RALGAPA1: variants seen among roughly 807,000 people sequenced by gnomAD.
RALGAPA1 encodes the protein ral GTPase-activating protein subunit alpha-1.
In RALGAPA1, 52 loss-of-function variants were observed where a neutral mutation model predicts 269.6. The observed-to-expected ratio is 0.19, with a 90% confidence interval of 0.15 to 0.24. RALGAPA1 has a LOEUF of 0.24. RALGAPA1 is among the 10% of genes least tolerant of loss of function. The pLI is 1.00. For missense variants in RALGAPA1, 1,917 were observed against 3,013.9 expected, an observed-to-expected ratio of 0.64 and a Z score of 8.52; for synonymous variants, 817 against 1,008.3, an observed-to-expected ratio of 0.81 and a Z score of 3.60.
intron 6 of RALGAPA1, among the ~76,000 whole-genome samples, chr14:35,758,620 C>A (rs1029006171): frequency 6.6e-6 from 1 of 152,100 alleles, no homozygotes; most frequent in Non-Finnish European, 1.5e-5. Flanking sequence ...CATCTGCAGT[C>A]CCAGCTACTT....
chr14:35,600,776 T>C (rs1277434085), intron 36 of RALGAPA1, among the ~76,000 whole-genome samples: 1 of 152,252 alleles, frequency 6.6e-6, no homozygotes, highest in African/African-American at 2.4e-5. Flanking sequence ...AGCATTTCTA[T>C]CAAGGTTGTT....
chr14:35,677,877 A>G (rs759788265), intron 22 of RALGAPA1, 73 bp downstream of exon 22: 24 of 1,347,604 alleles, frequency 1.8e-5, no homozygotes, highest in Non-Finnish European at 2.5e-5. Context: ...CAAATGTAAG[A>G]TGCCTTATTT....
chr14:35,651,881 CAA>C lies in RALGAPA1; in HGVS notation c.5608-10_5608-9del, dbSNP rs35892589. 113 of 1,575,536 alleles carry C rather than the reference CAA, an allele frequency of 7.2e-5. No individual in the cohort carries two copies. The highest frequency in any genetic ancestry group is 3.4e-4 in the Admixed American group (18 of 52,562). ...GATGGTAGCTATTAGGATCTGTAAG[CAA>C]AAAAAAATTTTTTTAAAAGCTCTAT... On this transcript the variant is annotated splice_polypyrimidine_tract_variant and intron_variant, in intron 30 of 41. Coordinates refer to ENST00000680220, the MANE Select transcript of RALGAPA1 (RefSeq NM_001346249.2).
chr14:35,798,078 G>C (rs763902421), intron 1 of RALGAPA1, among the ~76,000 whole-genome samples: 57 of 151,522 alleles, frequency 3.8e-4, no homozygotes, highest in Non-Finnish European at 7.5e-4. Flanking sequence ...TTGCCTTGTT[G>C]CCTAGGATGG....
rs757870056 is a variant in RALGAPA1, at chr14:35,627,914, T to C, written c.6033A>G (p.Ala2011=). 1 of 1,549,590 alleles carries C rather than the reference T, an allele frequency of 6.5e-7. No individual in the cohort carries two copies. Among genetic ancestry groups the C allele is most frequent in the Non-Finnish European group, 8.7e-7 (1 of 1,150,868 alleles). ...TQMQHGLISI[A]ARTVITHLVN... is the part of the protein sequence containing the mutation. ...CCAGATGTGTAATAACAGTGCGGGC[T>C]GCTATAGAGATTAATCCATGCTGCA... Residue 2011 remains alanine (A), a synonymous_variant, in exon 34 of 42, where the codon GCA becomes GCG. Transcript: ENST00000680220.
intron 16 of RALGAPA1, among the ~76,000 whole-genome samples, chr14:35,710,385 A>G (rs2068208755): frequency 1.3e-5 from 2 of 152,092 alleles, no homozygotes; most frequent in South Asian, 4.1e-4. Context: ...TCTCCCAAGT[A>G]GCTGGGACAA....
chr14:35,668,144 G>A (rs2064102071), intron 26 of RALGAPA1, among the ~76,000 whole-genome samples: 1 of 152,118 alleles, frequency 6.6e-6, no homozygotes. Flanking sequence ...AGGCCCGGAA[G>A]CAGGGAAAGG....
At chr14:35,708,152 C>T (rs1022914650) in intron 16 of RALGAPA1, among the ~76,000 whole-genome samples, 4 of 152,024 alleles carry the variant, frequency 2.6e-5, no homozygotes, top group African/African-American at 7.2e-5. Context: ...CAAACTATGA[C>T]ATTATTGAAA....
chr14:35,699,267 T>C (rs2067145681), intron 17 of RALGAPA1, among the ~76,000 whole-genome samples: 1 of 152,148 alleles, frequency 6.6e-6, no homozygotes, highest in East Asian at 1.9e-4. Flanking sequence ...TAAACAAAAC[T>C]GATCTATGGT....
intron 39 of RALGAPA1, among the ~76,000 whole-genome samples, chr14:35,562,317 C>T (rs374137888): frequency 1.1e-4 from 17 of 152,250 alleles, no homozygotes; most frequent in African/African-American, 3.9e-4. Flanking sequence ...AAGTGTGAGC[C>T]TTCAGGGCTC....
chr14:35,569,053 A>G (rs1289532298), intron 39 of RALGAPA1, among the ~76,000 whole-genome samples: 1 of 152,194 alleles, frequency 6.6e-6, no homozygotes, highest in Non-Finnish European at 1.5e-5. Flanking sequence ...TACTACAGAA[A>G]TGTCATTAAG....
chr14:35,629,003 G>A (rs1863901175), intron 33 of RALGAPA1, among the ~76,000 whole-genome samples: 2 of 152,048 alleles, frequency 1.3e-5, no homozygotes, highest in Admixed American at 6.6e-5. Flanking sequence ...GGAGGGGAGG[G>A]GGAGAAGGAA....
At chr14:35,618,980 CA>C (rs2060432838) in intron 35 of RALGAPA1, among the ~76,000 whole-genome samples, 1 of 147,354 alleles carries the variant, frequency 6.8e-6, no homozygotes, top group South Asian at 2.1e-4. Flanking sequence ...AATCAAATAC[CA>C]ATGGGATTTT....
chr14:35,583,284 G>A (rs2058069844), intron 37 of RALGAPA1, among the ~76,000 whole-genome samples: 1 of 152,082 alleles, frequency 6.6e-6, no homozygotes, highest in African/African-American at 2.4e-5. Flanking sequence ...AAGAAAAAAT[G>A]CTAGAGTTAA....
rs1371427323 is a variant in RALGAPA1 at position 35,673,029 on chromosome 14, T to C, written c.4918-7A>G. ...TATCAGTCAACATGGTTGCCTAAAA[T>C]TAAAAGATCAGTTTTAATGTTCAAA... On this transcript the variant is annotated splice_polypyrimidine_tract_variant and splice_region_variant and intron_variant, in intron 24 of 41. Coordinates refer to ENST00000680220, the MANE Select transcript of RALGAPA1 (RefSeq NM_001346249.2). 6.9e-7 allele frequency: 1 copy of C among 1,455,298 alleles called. No individual in the cohort carries two copies. The highest frequency in any genetic ancestry group is 1.5e-5 in the African/African-American group (1 of 67,892). 90.1% of individuals were successfully genotyped at this position (1,455,298 alleles called of 1,614,324 possible). A position where few individuals can be genotyped will look rare whatever the true frequency, so the allele number is the denominator to read the frequency against.
Position 35,683,960 on chromosome 14 carries a change from C to T in RALGAPA1, c.4320G>A (p.Gly1440=), listed in dbSNP as rs2140379695. Residue 1440 remains glycine (G), a synonymous_variant, in exon 21 of 42, where the codon GGG becomes GGA. Coordinates refer to ENST00000680220, the MANE Select transcript of RALGAPA1 (RefSeq NM_001346249.2). ...FDNFGFGTDT[G]VTSSADVDSG... The stretch of plus-strand genomic sequence containing the variant: ...AATCCACATCAGCAGAGGACGTAAC[C>T]CCAGTGTCGGTTCCAAAGCCAAAAT... 1 of 1,610,936 alleles carries T rather than the reference C, an allele frequency of 6.2e-7. No homozygotes were observed. The highest frequency in any genetic ancestry group is 1.1e-5 in the South Asian group (1 of 90,438).
chr14:35,604,674 T>TA (rs144193099), intron 36 of RALGAPA1, among the ~76,000 whole-genome samples: 3,409 of 152,160 alleles, frequency 0.022, 127 homozygotes, highest in South Asian at 0.14. Flanking sequence ...TAATAATTTT[T>TA]ATCAAAAGTT....
At chr14:35,785,517 G>C (rs2075733754) in intron 1 of RALGAPA1, among the ~76,000 whole-genome samples, 1 of 152,186 alleles carries the variant, frequency 6.6e-6, no homozygotes, top group South Asian at 2.1e-4. Context: ...AATATACTTT[G>C]AAACAACAGA....
At chr14:35,683,674 T>C (rs776172880) in intron 21 of RALGAPA1, 135 bp downstream of exon 21, 39 of 675,312 alleles carry the variant, frequency 5.8e-5, no homozygotes, top group Admixed American at 2.9e-4. Flanking sequence ...CTCCCCTTCA[T>C]TGTTACATAA....
Sources: allele counts gnomAD v4.1 joint callset (sites outside exome capture counted in the v4.1 genomes callset), GRCh38; gene constraint gnomAD v4.1.1; transcripts MANE v1.5; gene names NCBI Gene and HGNC (gene_info 2026-07-23, HGNC 2026-07-21).